C2CD3: variants seen among roughly 807,000 people sequenced by gnomAD.
C2CD3 encodes C2 domain-containing protein 3.
C2CD3 carries 148 observed loss-of-function variants against 234.0 expected under a neutral mutation model. The observed-to-expected ratio is 0.63, with a 90% confidence interval of 0.55 to 0.72. The LOEUF (loss-of-function observed/expected upper bound fraction) is 0.72, where lower values mean the gene tolerates loss of function less well. Among genes scored for constraint, C2CD3 ranks in the 30% least tolerant of loss-of-function variants. The probability of loss-of-function intolerance (pLI) is 0.00; values close to 1 mark genes in which losing one functional copy is unlikely to be tolerated. For synonymous variants in C2CD3, 1,000 were observed against 1,035.4 expected, an observed-to-expected ratio of 0.97 and a Z score of 0.66; for missense variants, 2,577 against 2,811.5, an observed-to-expected ratio of 0.92 and a Z score of 1.89.
At chr11:74,064,980 C>A (rs549220221) in intron 24 of C2CD3, among the ~76,000 whole-genome samples, 1 of 152,182 alleles carries the variant, frequency 6.6e-6, no homozygotes, top group Non-Finnish European at 1.5e-5. Flanking sequence ...AAGAAAACCT[C>A]GACAATACCA....
At chr11:74,110,082 A>AAAATAAAT (rs56925936) in intron 11 of C2CD3, among the ~76,000 whole-genome samples, 16 of 144,542 alleles carry the variant, frequency 1.1e-4, no homozygotes, top group African/African-American at 2.9e-4. Context: ...CTCTGTCTCA[A>AAAATAAAT]AAATAAATAA....
intron 19 of C2CD3, 150 bp from the exon 20 acceptor site, chr11:74,091,086 T>C (rs1428390775): frequency 1.4e-6 from 1 of 726,974 alleles, no homozygotes; most frequent in Non-Finnish European, 2.2e-6. Flanking sequence ...CATAATCACA[T>C]TGTTATTCTT....
At chr11:74,116,846 GTGTATA>G (rs1956954013) in intron 9 of C2CD3, among the ~76,000 whole-genome samples, 3 of 136,620 alleles carry the variant, frequency 2.2e-5, no homozygotes, top group African/African-American at 8.2e-5. Context: ...ATATATACAC[GTGTATA>G]TGTGTATATA....
chr11:74,016,648 C>T (rs1951889923), intron 32 of C2CD3: 1 of 152,284 alleles, frequency 6.6e-6, no homozygotes, highest in Non-Finnish European at 1.5e-5. Context: ...TAGAAACCAT[C>T]TTGACTAGTA....
intron 3 of C2CD3, 45 bp from the exon 4 acceptor site, chr11:74,139,873 TTAAC>T (rs771881594): frequency 8.0e-6 from 9 of 1,120,300 alleles, no homozygotes; most frequent in African/African-American, 1.5e-5. Flanking sequence ...TTAGCATTGA[TTAAC>T]TAATTTTAAG....
At chr11:74,085,969 C>T in intron 20 of C2CD3, 83 bp from the exon 21 acceptor site, 1 of 1,341,448 alleles carries the variant, frequency 7.5e-7, no homozygotes, top group Admixed American at 2.5e-5. Context: ...AACTTCATTA[C>T]TTCTATGAGA....
chr11:74,035,685 T>C (rs763291474), intron 30 of C2CD3, among the ~76,000 whole-genome samples: 21 of 151,674 alleles, frequency 1.4e-4, no homozygotes, highest in Admixed American at 2.6e-4. Context: ...TGGAGCATAA[T>C]GGAGGCAGGG....
In C2CD3 at chr11:74,057,516, C is replaced by G. The variant is rs756500070; in HGVS notation, c.4980G>C (p.Ser1660=). Residue 1660 remains serine (S), a synonymous_variant, in exon 25 of 33, where the codon TCG becomes TCC. Coordinates refer to ENST00000334126, the MANE Select transcript of C2CD3 (RefSeq NM_001286577.2). ...KGSPLTERKV[S]IPSCCVSFAT... is the part of the protein sequence containing the mutation. Reference sequence around the variant, plus strand: ...CAAAGGATACACAACAACTGGGTATCGATACTTTCCGCTCTGTCAAGGGGC... The same window carrying G: ...CAAAGGATACACAACAACTGGGTATGGATACTTTCCGCTCTGTCAAGGGGC... 15 of 1,614,070 alleles carry G rather than the reference C, an allele frequency of 9.3e-6. No individual in the cohort carries two copies. Among genetic ancestry groups the G allele is most frequent in the Non-Finnish European group, 1.3e-5 (15 of 1,179,990 alleles).
intron 3 of C2CD3, among the ~76,000 whole-genome samples, chr11:74,151,608 T>C (rs1014238091): frequency 6.6e-6 from 1 of 152,100 alleles, no homozygotes; most frequent in Non-Finnish European, 1.5e-5. Context: ...ATTACAGGCA[T>C]GAGCCAACGT....
At chr11:74,057,121 C>T (rs919795644) in intron 25 of C2CD3, among the ~76,000 whole-genome samples, 2 of 152,068 alleles carry the variant, frequency 1.3e-5, no homozygotes, top group African/African-American at 4.8e-5. Flanking sequence ...TCCTCAATTG[C>T]ATGGAGTATC....
chr11:74,065,546 A>G (rs1210496372), intron 24 of C2CD3, among the ~76,000 whole-genome samples: 2 of 152,220 alleles, frequency 1.3e-5, no homozygotes, highest in African/African-American at 2.4e-5. Flanking sequence ...CATTTGACCC[A>G]GCCATCCTAT....
At chr11:74,050,673 C>G (rs1435311380) in intron 26 of C2CD3, among the ~76,000 whole-genome samples, 1 of 152,226 alleles carries the variant, frequency 6.6e-6, no homozygotes, top group African/African-American at 2.4e-5. Context: ...GGGCACATTC[C>G]TGGTGACACT....
chr11:74,160,108 G>A (rs1856352812), intron 3 of C2CD3, among the ~76,000 whole-genome samples: 1 of 152,144 alleles, frequency 6.6e-6, no homozygotes, highest in African/African-American at 2.4e-5. Context: ...AGGAGCAATA[G>A]GCTATACCCT....
intron 13 of C2CD3, among the ~76,000 whole-genome samples, chr11:74,105,020 G>A (rs1956457273): frequency 6.6e-6 from 1 of 152,132 alleles, no homozygotes; most frequent in Non-Finnish European, 1.5e-5. Flanking sequence ...AAAGCAAAGT[G>A]GTATTTACTA....
intron 7 of C2CD3, chr11:74,129,947 G>C (rs1364275304): frequency 1.5e-5 from 2 of 129,052 alleles, no homozygotes; most frequent in African/African-American, 3.3e-5. Context: ...GGCGGCGCGC[G>C]CCTGCAATCG....
chr11:74,048,998 T>A (rs1953534633), intron 27 of C2CD3, among the ~76,000 whole-genome samples: 1 of 152,218 alleles, frequency 6.6e-6, no homozygotes, highest in African/African-American at 2.4e-5. Context: ...ACTAATGATA[T>A]CAATGTAACA....
chr11:74,074,609 A>G lies in C2CD3; in HGVS notation c.4604-9T>C. On this transcript the variant is annotated splice_polypyrimidine_tract_variant and intron_variant, in intron 23 of 32. Transcript: ENST00000334126. ...AAACAGAGGATACACACCTAAAAGA[A>G]GATGGAGAAGAATAAGGCTAGTCAA... The G allele has an allele frequency of 6.3e-7, 1 of 1,598,774 alleles. No homozygotes were observed.
At chr11:74,077,771 GTATATATATATATATATATATA>G (rs553597652) in intron 23 of C2CD3, among the ~76,000 whole-genome samples, 7 of 69,202 alleles carry the variant, frequency 1.0e-4, no homozygotes, top group Non-Finnish European at 1.3e-4. Context: ...AGAACTTACA[GTATATATATATATATATATATA>G]TATATATATA....
chr11:74,168,336 T>C lies in C2CD3; in HGVS notation c.325+8A>G. Reference sequence around the variant, plus strand: ...GTCTGCAGGTGCAATGATAAAACAATAACATACCTGTTAGATAAGAGGTAA... The same window carrying C: ...GTCTGCAGGTGCAATGATAAAACAACAACATACCTGTTAGATAAGAGGTAA... On this transcript the variant is annotated splice_region_variant and intron_variant, in intron 2 of 32. Coordinates refer to ENST00000334126, the MANE Select transcript of C2CD3 (RefSeq NM_001286577.2). 6.2e-7 allele frequency: 1 copy of C among 1,609,992 alleles called. No individual in the cohort carries two copies. Among genetic ancestry groups the C allele is most frequent in the Non-Finnish European group, 8.5e-7 (1 of 1,176,274 alleles).
Sources: allele counts gnomAD v4.1 joint callset (sites outside exome capture counted in the v4.1 genomes callset), GRCh38; gene constraint gnomAD v4.1.1; transcripts MANE v1.5; gene names NCBI Gene and HGNC (gene_info 2026-07-23, HGNC 2026-07-21).